DLD: variants seen among roughly 807,000 people sequenced by gnomAD.
DLD encodes dihydrolipoyl dehydrogenase, mitochondrial.
In DLD, 36 loss-of-function variants were observed where a neutral mutation model predicts 62.2. The observed-to-expected ratio is 0.58, with a 90% CI of 0.44 to 0.76. The LOEUF (loss-of-function observed/expected upper bound fraction) is 0.76, where lower values mean the gene tolerates loss of function less well. DLD is among the 30% of genes least tolerant of loss of function. DLD has a pLI of 0.00. For missense variants in DLD, 541 were observed against 608.6 expected, an observed-to-expected ratio of 0.89 and a Z score of 1.17; for synonymous variants, 204 against 199.6, an observed-to-expected ratio of 1.02 and a Z score of -0.19.
intron 2 of DLD, among the ~76,000 whole-genome samples, chr7:107,899,427 A>G (rs1464571134): frequency 1.3e-5 from 2 of 151,604 alleles, no homozygotes; most frequent in African/African-American, 4.9e-5. Context: ...GTTTTTGGCT[A>G]TTATCTTTTA....
intron 13 of DLD, 27 bp from the exon 14 acceptor site, chr7:107,919,167 T>A (rs776010908): frequency 8.1e-6 from 13 of 1,613,012 alleles, no homozygotes; most frequent in Non-Finnish European, 1.1e-5. Context: ...ATATTTGGAT[T>A]TTAATTTTAA....
intron 8 of DLD, among the ~76,000 whole-genome samples, chr7:107,911,747 A>G (rs1372216345): frequency 6.6e-6 from 1 of 151,824 alleles, no homozygotes; most frequent in East Asian, 1.9e-4. Context: ...ACTTTTTTCA[A>G]GGTACATGTG....
At chr7:107,909,002 T>C (rs980803336) in intron 8 of DLD, among the ~76,000 whole-genome samples, 3 of 152,238 alleles carry the variant, frequency 2.0e-5, no homozygotes, top group African/African-American at 7.2e-5. Context: ...TTAAGAAAAC[T>C]TGTAATCTAA....
chr7:107,919,934 G>T lies in DLD; in HGVS notation c.*675G>T, dbSNP rs919254325. On this transcript the variant is annotated 3_prime_UTR_variant, in exon 14 of 14. Coordinates refer to ENST00000205402, the MANE Select transcript of DLD (RefSeq NM_000108.5). ...ATTCAAATGTATTACAGTGGGGAAT[G>T]AAGATACTGAAATAAACGTCTTAAA... is the stretch of plus-strand genomic sequence containing the variant. 2.0e-5 allele frequency: 3 copies of T among 152,462 alleles called. No homozygotes were observed. Among genetic ancestry groups the T allele is most frequent in the African/African-American group, 7.2e-5 (3 of 41,440 alleles). 9.4% of individuals were successfully genotyped at this position (152,462 alleles called of 1,614,324 possible).
chr7:107,900,391 G>A (rs1361430531), intron 2 of DLD, among the ~76,000 whole-genome samples: 1 of 151,970 alleles, frequency 6.6e-6, no homozygotes, highest in Non-Finnish European at 1.5e-5. Context: ...TACTTATTAT[G>A]TATGCTATAG....
intron 1 of DLD, among the ~76,000 whole-genome samples, chr7:107,892,531 C>CTTTATTTA (rs10680033): frequency 0.13 from 20,004 of 149,598 alleles, 1,919 homozygotes; most frequent in African/African-American, 0.27. Context: ...ACTTTCAGAG[C>CTTTATTTA]TTTATTTATT....
intron 9 of DLD, among the ~76,000 whole-genome samples, chr7:107,916,544 T>TA (rs1562920193): frequency 6.6e-6 from 1 of 151,920 alleles, no homozygotes; most frequent in Non-Finnish European, 1.5e-5. Context: ...TGGTGGCGCG[T>TA]GCCTGTAGTC....
Position 107,903,515 on chromosome 7 carries a change from A to C in DLD, c.305A>C (p.His102Pro). ...LNNSHYYHMA[H>P]GKDFASRGIE... ...AACTCTCATTATTACCATATGGCCC[A>C]TGGAAAAGATTTTGCATCTAGAGGA... is the stretch of plus-strand genomic sequence containing the variant. Residue 102 changes from histidine (H) to proline (P), a missense_variant, in exon 5 of 14, where the codon CAT becomes CCT. Transcript: ENST00000205402. The C allele has an allele frequency of 6.3e-7, 1 of 1,598,052 alleles. No individual in the cohort carries two copies. The highest frequency in any genetic ancestry group is 1.3e-5 in the African/African-American group (1 of 74,720).
In DLD at chr7:107,905,486, T is replaced by C; in HGVS notation, c.564T>C (p.Thr188=). 6.2e-7 allele frequency: 1 copy of C among 1,613,820 alleles called. No homozygotes were observed. Among genetic ancestry groups the C allele is most frequent in the Non-Finnish European group, 8.5e-7 (1 of 1,179,748 alleles). ...TTATAGCCACGGGTTCAGAAGTTAC[T>C]CCTTTTCCTGGAATCACGGTATTTA... ...NILIATGSEV[T]PFPGITIDED... The change falls in exon 7 of 14, where the codon ACT becomes ACC. Residue 188 remains threonine, a synonymous_variant. Transcript: ENST00000205402.
At position 107,919,190 on chromosome 7, in the gene DLD, G is replaced by A; in HGVS notation, c.1465-4G>A. 6.2e-7 allele frequency: 1 copy of A among 1,613,358 alleles called. No individual in the cohort carries two copies. Among genetic ancestry groups the A allele is most frequent in the Non-Finnish European group, 8.5e-7 (1 of 1,179,560 alleles). On this transcript the variant is annotated splice_region_variant and splice_polypyrimidine_tract_variant and intron_variant, in intron 13 of 13. Coordinates refer to ENST00000205402, the MANE Select transcript of DLD (RefSeq NM_000108.5). ...ATTTTAATTTTAAATTTCTTCCCTT[G>A]CAGACCTTATCAGAAGCTTTTAGAG...
In DLD at chr7:107,919,011, G is replaced by T. The variant is rs1444880572; in HGVS notation, c.1376G>T (p.Gly459Val). The part of the protein sequence containing the change: ...RVLGAHILGP[G>V]AGEMVNEAAL... ...TTTACTTGGCTTGTTATTTTAAAGG[G>T]TGCTGGAGAAATGGTAAATGAAGCT... The change falls in exon 13 of 14, where the codon GGT becomes GTT. Residue 459 changes from glycine (G) to valine (V), a missense_variant and splice_region_variant. Transcript: ENST00000205402. 2 of 1,613,686 alleles carry T rather than the reference G, an allele frequency of 1.2e-6. No homozygotes were observed. Among genetic ancestry groups the T allele is most frequent in the South Asian group, 2.2e-5 (2 of 91,076 alleles).
intron 1 of DLD, 62 bp from the exon 2 acceptor site, chr7:107,893,138 C>T: frequency 7.1e-7 from 1 of 1,402,404 alleles, no homozygotes; most frequent in South Asian, 1.2e-5. Flanking sequence ...TTATCATCAA[C>T]CTTCAGTAGT....
chr7:107,894,778 G>A (rs1004424242), intron 2 of DLD, among the ~76,000 whole-genome samples: 2 of 152,224 alleles, frequency 1.3e-5, no homozygotes, highest in Admixed American at 6.5e-5. Flanking sequence ...TTGACATTGA[G>A]TAAATCATAA....
At position 107,915,628 on chromosome 7, in the gene DLD, G is replaced by T. The variant is rs912822748; in HGVS notation, c.807G>T (p.Gly269=). Residue 269 remains glycine (G), a synonymous_variant, in exon 9 of 14, where the codon GGG becomes GGT. Transcript: ENST00000205402. ...TTCAACGCATCCTTCAAAAACAGGG[G>T]TTTAAATTTAAATTGAATACAAAGG... ...KNFQRILQKQ[G]FKFKLNTKVT... The T allele has an allele frequency of 1.1e-5, 17 of 1,613,566 alleles. No homozygotes were observed. The highest frequency in any genetic ancestry group is 9.3e-5 in the African/African-American group (7 of 74,884).
At chr7:107,905,737 C>T (rs572257389) in intron 7 of DLD, 132 of 523,460 alleles carry the variant, frequency 2.5e-4, no homozygotes, top group Admixed American at 4.5e-4. Flanking sequence ...TTGACCATTG[C>T]GTTTGGAATA....
intron 7 of DLD, among the ~76,000 whole-genome samples, chr7:107,906,011 G>A (rs1274073411): frequency 6.6e-6 from 1 of 152,068 alleles, no homozygotes; most frequent in Non-Finnish European, 1.5e-5. Context: ...TATACTTTAA[G>A]TCATCTCTGG....
At chr7:107,916,717 A>G (rs1279655868) in intron 9 of DLD, 77 bp from the exon 10 acceptor site, 1 of 1,420,498 alleles carries the variant, frequency 7.0e-7, no homozygotes, top group Non-Finnish European at 1.0e-6. Flanking sequence ...CACTTGAGAA[A>G]TTGCTGGCCT....
chr7:107,904,846 A>G (rs1469474626), intron 5 of DLD, 112 bp from the exon 6 acceptor site: 3 of 752,420 alleles, frequency 4.0e-6, no homozygotes, highest in Middle Eastern at 2.3e-4. Flanking sequence ...TGAAACTTTA[A>G]TACTGCCTTT....
Position 107,916,891 on chromosome 7 carries a change from G to T in DLD, c.973G>T (p.Glu325Ter). 1 of 1,613,690 alleles carries T rather than the reference G, an allele frequency of 6.2e-7. No homozygotes were observed. The highest frequency in any genetic ancestry group is 8.5e-7 in the Non-Finnish European group (1 of 1,179,960). The change falls in exon 10 of 14, where the codon GAA becomes TAA. Residue 325 changes from glutamate to a stop codon, truncating the protein, a stop_gained. Transcript: ENST00000205402. LOFTEE classifies it high-confidence loss of function. ...RRPFTKNLGL[E>*]ELGIELDPRG... ...ACCCTTTACTAAGAATTTGGGACTAGAAGAGCTGGGAATTGAACTAGATCC... is the reference window on the plus strand; with the variant it reads ...ACCCTTTACTAAGAATTTGGGACTATAAGAGCTGGGAATTGAACTAGATCC...
Sources: gnomAD v4.1 joint callset for allele counts (sites outside exome capture counted in the v4.1 genomes callset) on GRCh38, gnomAD v4.1.1 for gene constraint, MANE v1.5 for transcripts, NCBI Gene and HGNC (gene_info 2026-07-23, HGNC 2026-07-21) for gene names.